The following SNCAIP variants were observed in gnomAD, a reference collection of about 807,000 sequenced individuals.
The protein encoded by SNCAIP is synphilin-1.
A neutral mutation model predicts 86.7 loss-of-function variants in SNCAIP; 43 were observed. The observed-to-expected ratio is 0.50, with a 90% CI of 0.39 to 0.64. SNCAIP has a LOEUF of 0.64. Ranked by LOEUF, SNCAIP falls within the 30% of genes least tolerant of loss-of-function variation. SNCAIP has a pLI of 0.00. For synonymous variants in SNCAIP, 417 were observed against 427.2 expected, an observed-to-expected ratio of 0.98 and a Z score of 0.29; for missense variants, 981 against 1,103.1, an observed-to-expected ratio of 0.89 and a Z score of 1.57.
chr5:122,444,381 AG>A lies in SNCAIP; in HGVS notation c.1423-181del, dbSNP rs1020458178. 3.3e-5 allele frequency: 22 copies of A among 660,852 alleles called. No homozygotes were observed. In the African/African-American group the frequency reaches 3.4e-4, roughly 10 times the overall value. The allele number at this position is 660,852 out of a possible 1,614,324, so 40.9% of individuals were successfully genotyped here. A position where few individuals can be genotyped will look rare whatever the true frequency, so the allele number is the denominator to read the frequency against. On this transcript the variant is annotated intron_variant, in intron 7 of 10. Transcript: ENST00000261368. ...CCCCTCCTTATGTGGGCTGCAGATG[AG>A]CATTGATAGTAGTAGGACTGGCTCT... is the stretch of plus-strand genomic sequence containing the variant.
At chr5:122,444,488 A>C (rs1781845895) in intron 7 of SNCAIP, 75 bp from the exon 8 acceptor site, 1 of 1,378,292 alleles carries the variant, frequency 7.3e-7, no homozygotes, top group South Asian at 1.2e-5. Flanking sequence ...CATACTATTC[A>C]ACATTCTGTT....
chr5:122,437,506 G>A (rs1470532446), intron 6 of SNCAIP, among the ~76,000 whole-genome samples: 1 of 152,122 alleles, frequency 6.6e-6, no homozygotes, highest in African/African-American at 2.4e-5. Flanking sequence ...TGGTTTACAT[G>A]TCATATCTCA....
intron 1 of SNCAIP, among the ~76,000 whole-genome samples, chr5:122,375,336 G>T (rs2152802134): frequency 6.6e-6 from 1 of 152,114 alleles, no homozygotes; most frequent in East Asian, 1.9e-4. Context: ...AAAATATATG[G>T]CTGGGTTTTT....
At chr5:122,388,116 G>A (rs1322941523) in intron 1 of SNCAIP, among the ~76,000 whole-genome samples, 1 of 152,218 alleles carries the variant, frequency 6.6e-6, no homozygotes, top group African/African-American at 2.4e-5. Flanking sequence ...CCATGGACAG[G>A]TAGGAGCAGC....
chr5:122,355,376 C>T (rs1403260395), intron 1 of SNCAIP, among the ~76,000 whole-genome samples: 3 of 152,182 alleles, frequency 2.0e-5, no homozygotes, highest in African/African-American at 2.4e-5. Context: ...GATTTCCCTT[C>T]TCAGTAAAGC....
chr5:122,410,868 A>G (rs548708213), intron 3 of SNCAIP, among the ~76,000 whole-genome samples: 1 of 152,358 alleles, frequency 6.6e-6, no homozygotes, highest in South Asian at 2.1e-4. Context: ...GGCTGAAGGT[A>G]GCAGAGCTTA....
chr5:122,367,930 G>T (rs1763509729), intron 1 of SNCAIP, among the ~76,000 whole-genome samples: 2 of 151,822 alleles, frequency 1.3e-5, no homozygotes, highest in African/African-American at 2.4e-5. Flanking sequence ...ACACACATAG[G>T]TCTATATATA....
chr5:122,408,517 A>T (rs1773478697), intron 3 of SNCAIP, among the ~76,000 whole-genome samples: 1 of 152,214 alleles, frequency 6.6e-6, no homozygotes, highest in South Asian at 2.1e-4. Flanking sequence ...CCTCCTTAGG[A>T]GTGCCCTTTC....
chr5:122,404,038 G>A (rs908849321), intron 3 of SNCAIP, among the ~76,000 whole-genome samples, 173 bp downstream of exon 3: 2 of 152,028 alleles, frequency 1.3e-5, no homozygotes, highest in African/African-American at 4.8e-5. Context: ...CAGATGTTAG[G>A]TCATCTGAAA....
intron 4 of SNCAIP, among the ~76,000 whole-genome samples, 186 bp from the exon 5 acceptor site, chr5:122,425,166 G>A (rs990585706): frequency 1.3e-5 from 2 of 152,142 alleles, no homozygotes; most frequent in East Asian, 1.9e-4. Flanking sequence ...TCTGTCTCTC[G>A]AGAACTCATT....
chr5:122,401,770 C>T (rs78037205), intron 2 of SNCAIP, among the ~76,000 whole-genome samples: 1 of 152,216 alleles, frequency 6.6e-6, no homozygotes, highest in Non-Finnish European at 1.5e-5. Flanking sequence ...CCGCCTGTAA[C>T]TCAGTTCCCA....
At chr5:122,400,920 A>G (rs1771669990) in intron 2 of SNCAIP, 5 of 1,426,614 alleles carry the variant, frequency 3.5e-6, no homozygotes, top group Non-Finnish European at 3.7e-6. Context: ...AGAATAAATT[A>G]TAGAGATAGA....
rs572566369 is a variant in SNCAIP, at chr5:122,376,646, T to G, written c.-46-14443T>G. ...GGGAACAAATCATATGTTCACTGAA[T>G]GAACAATATTCCAGTTCTCTTTAAA... On this transcript the variant is annotated intron_variant, in intron 1 of 10. Transcript: ENST00000261368. 5.3e-5 allele frequency among the ~76,000 whole-genome samples: 8 copies of G among 152,332 alleles called. No individual in the cohort carries two copies. The South Asian group carries it at 1.7e-3, about 32-fold the overall frequency.
intron 1 of SNCAIP, among the ~76,000 whole-genome samples, chr5:122,367,678 T>G (rs1212855717): frequency 1.2e-4 from 19 of 152,034 alleles, no homozygotes; most frequent in Admixed American, 1.2e-3. Flanking sequence ...CATTCAGAAT[T>G]CCAGTCTTGG....
chr5:122,414,291 C>T (rs984303714), intron 3 of SNCAIP, among the ~76,000 whole-genome samples: 29 of 150,506 alleles, frequency 1.9e-4, no homozygotes, highest in Non-Finnish European at 2.4e-4. Context: ...AGTGCAATGG[C>T]ACAATCTCAG....
chr5:122,320,173 G>A (rs919859557), intron 1 of SNCAIP, among the ~76,000 whole-genome samples: 7 of 152,198 alleles, frequency 4.6e-5, no homozygotes, highest in Admixed American at 1.3e-4. Context: ...CTTCACCTGT[G>A]ACAATGTTTT....
Position 122,338,064 on chromosome 5 carries a change from A to G in SNCAIP, c.-47+25780A>G, listed in dbSNP as rs181076941. Among the ~76,000 whole-genome samples, 952 of 152,326 alleles carry G rather than the reference A, an allele frequency of 6.2e-3. 5 individuals carry two copies. Among genetic ancestry groups the G allele is most frequent in the African/African-American group, 8.7e-3 (360 of 41,574 alleles). On this transcript the variant is annotated intron_variant, in intron 1 of 10. Transcript: ENST00000261368. ...CTTTGATACATTGAAGTAAATGACA[A>G]TCTCAACCGGAAGTATTTTAAGTCT...
At chr5:122,445,679 T>C (rs1415764838) in intron 8 of SNCAIP, among the ~76,000 whole-genome samples, 1 of 150,862 alleles carries the variant, frequency 6.6e-6, no homozygotes, top group Non-Finnish European at 1.5e-5. Context: ...CACACATTTT[T>C]TTTCTGAATA....
intron 5 of SNCAIP, among the ~76,000 whole-genome samples, chr5:122,425,890 G>A (rs1050371830): frequency 3.3e-5 from 5 of 152,236 alleles, no homozygotes; most frequent in Non-Finnish European, 7.3e-5. Flanking sequence ...TGGGGAAGGT[G>A]TGTTTTAAGG....
Sources: gnomAD v4.1 joint callset for allele counts (sites outside exome capture counted in the v4.1 genomes callset) on GRCh38, gnomAD v4.1.1 for gene constraint, MANE v1.5 for transcripts, NCBI Gene and HGNC (gene_info 2026-07-23, HGNC 2026-07-21) for gene names.